The following KAZN variants were observed in gnomAD, a reference collection of about 807,000 sequenced individuals.
KAZN encodes the protein kazrin, periplakin interacting protein.
In KAZN, 40 loss-of-function variants were observed where a neutral mutation model predicts 87.4. The ratio of observed to expected loss-of-function variants is 0.46; its 90% confidence interval spans 0.36 to 0.60. The LOEUF (loss-of-function observed/expected upper bound fraction) is 0.60, where lower values mean the gene tolerates loss of function less well. Among genes scored for constraint, KAZN ranks in the 20% least tolerant of loss-of-function variants. KAZN has a pLI of 0.00. For missense variants in KAZN, 898 were observed against 1,073.9 expected, an observed-to-expected ratio of 0.84 and a Z score of 2.29; for synonymous variants, 466 against 458.3, an observed-to-expected ratio of 1.02 and a Z score of -0.22.
intron 1 of KAZN, among the ~76,000 whole-genome samples, chr1:14,877,485 C>T (rs1652897829): frequency 6.6e-6 from 1 of 152,148 alleles, no homozygotes; most frequent in Non-Finnish European, 1.5e-5. Flanking sequence ...CTCTGCCCAA[C>T]CCAACCCAGG....
intron 2 of KAZN, among the ~76,000 whole-genome samples, chr1:15,011,893 G>A (rs779267775): frequency 4.6e-5 from 7 of 152,052 alleles, no homozygotes; most frequent in Non-Finnish European, 8.8e-5. Flanking sequence ...TGGTGGACGC[G>A]GCCAGTCCAG....
At chr1:15,084,982 A>G (rs1429054782) in intron 8 of KAZN, among the ~76,000 whole-genome samples, 1 of 152,254 alleles carries the variant, frequency 6.6e-6, no homozygotes, top group Admixed American at 6.5e-5. Context: ...ATGAGCAAAC[A>G]ACAGGAAACT....
intron 1 of KAZN, among the ~76,000 whole-genome samples, chr1:14,106,567 C>A (rs1170140179): frequency 6.6e-6 from 1 of 152,176 alleles, no homozygotes; most frequent in South Asian, 2.1e-4. Flanking sequence ...GCCTCTTCCT[C>A]TTCTGCCTCC....
intron 13 of KAZN, among the ~76,000 whole-genome samples, chr1:15,111,478 A>G (rs1342956216): frequency 6.6e-6 from 1 of 152,098 alleles, no homozygotes; most frequent in Non-Finnish European, 1.5e-5. Context: ...GGGTTTTGCC[A>G]TGTTGGTCAG....
chr1:15,020,567 G>A (rs945482314), intron 2 of KAZN, among the ~76,000 whole-genome samples: 9 of 152,040 alleles, frequency 5.9e-5, no homozygotes, highest in Non-Finnish European at 8.8e-5. Flanking sequence ...CGCGACACTC[G>A]GTCCGTGTGG....
chr1:14,644,646 C>T (rs2148682353), intron 1 of KAZN, among the ~76,000 whole-genome samples: 1 of 152,158 alleles, frequency 6.6e-6, no homozygotes, highest in East Asian at 1.9e-4. Context: ...CAAGTGTGAG[C>T]CACCGTGCCG....
rs1010961737 is a variant in KAZN, at chr1:14,773,966, G to A, written c.226+174743G>A. Among the ~76,000 whole-genome samples the A allele has an allele frequency of 6.6e-6, 1 of 152,236 alleles. No individual in the cohort carries two copies. The highest frequency in any genetic ancestry group is 2.4e-5 in the African/African-American group (1 of 41,462). On this transcript the variant is annotated intron_variant, in intron 1 of 14. Transcript: ENST00000376030. This position sits in a 1 kb window ranked among gnomAD's most constrained non-coding sequence, Gnocchi z 5.9. ...TCACCGCCAAAGCCCTCCAGCCCAT[G>A]GCTGCTGCCAACCAAGGCGCCCTTG...
At chr1:13,893,352 C>T (rs917651327) in exon 1 of KAZN, 1 of 239,040 alleles carries the variant, frequency 4.2e-6, no homozygotes, top group Non-Finnish European at 8.0e-6. Flanking sequence ...TCCAGCCACC[C>T]TTCCGGGTCA....
At chr1:14,479,220 G>A (rs1208275546) in intron 2 of KAZN, among the ~76,000 whole-genome samples, 1 of 152,232 alleles carries the variant, frequency 6.6e-6, no homozygotes, top group East Asian at 1.9e-4. Flanking sequence ...ACACAGTCCA[G>A]AGGTGAGTCT....
At chr1:14,863,507 G>T (rs1651105992) in intron 1 of KAZN, among the ~76,000 whole-genome samples, 1 of 152,190 alleles carries the variant, frequency 6.6e-6, no homozygotes, top group Non-Finnish European at 1.5e-5. Flanking sequence ...ACTCAGTCAG[G>T]ATGCAAAGCT....
At chr1:14,252,594 A>G (rs560348925) in intron 2 of KAZN, among the ~76,000 whole-genome samples, 1 of 152,262 alleles carries the variant, frequency 6.6e-6, no homozygotes, top group East Asian at 1.9e-4. Context: ...GGGGCTGCCT[A>G]CTGGGGTTGC....
At chr1:14,669,747 TAAGA>T (rs1341104658) in intron 1 of KAZN, among the ~76,000 whole-genome samples, 2 of 152,138 alleles carry the variant, frequency 1.3e-5, no homozygotes, top group Non-Finnish European at 2.9e-5. Flanking sequence ...AGCCTGTCTC[TAAGA>T]AACAAACAAA....
At chr1:14,352,991 C>T (rs1658674493) in intron 2 of KAZN, among the ~76,000 whole-genome samples, 1 of 152,030 alleles carries the variant, frequency 6.6e-6, no homozygotes, top group African/African-American at 2.4e-5. Flanking sequence ...TTTTTTAAAT[C>T]CACATAACTA....
chr1:13,970,143 G>A (rs1221442033), intron 1 of KAZN, among the ~76,000 whole-genome samples: 1 of 152,176 alleles, frequency 6.6e-6, no homozygotes, highest in Non-Finnish European at 1.5e-5. Context: ...GAGGCTGAAA[G>A]GTCAAATAAG....
At chr1:14,102,219 C>T (rs554284277) in intron 1 of KAZN, among the ~76,000 whole-genome samples, 3 of 152,054 alleles carry the variant, frequency 2.0e-5, no homozygotes, top group South Asian at 4.2e-4. Context: ...CATGGGTTTA[C>T]GTGCCCACAG....
At chr1:14,044,373 T>C (rs1257733247) in intron 1 of KAZN, among the ~76,000 whole-genome samples, 1 of 121,158 alleles carries the variant, frequency 8.3e-6, no homozygotes, top group African/African-American at 3.1e-5. Context: ...ACACAGGGTA[T>C]GGAAACTCAC....
At chr1:14,728,995 T>C (rs1643552038) in intron 1 of KAZN, among the ~76,000 whole-genome samples, 1 of 152,150 alleles carries the variant, frequency 6.6e-6, no homozygotes, top group South Asian at 2.1e-4. Flanking sequence ...TAGGTGACGA[T>C]TGGGAAGCTG....
chr1:14,290,159 G>A (rs1043947847), intron 2 of KAZN, among the ~76,000 whole-genome samples: 17 of 152,066 alleles, frequency 1.1e-4, no homozygotes, highest in Non-Finnish European at 1.9e-4. Flanking sequence ...TGTGTCTTGT[G>A]GTTGCTCTTC....
intron 1 of KAZN, among the ~76,000 whole-genome samples, chr1:14,071,301 T>C (rs1410158284): frequency 6.6e-6 from 1 of 152,124 alleles, no homozygotes; most frequent in African/African-American, 2.4e-5. Context: ...GACCCCCTGA[T>C]GTCTTTGCTT....
Sources: allele counts gnomAD v4.1 joint callset (sites outside exome capture counted in the v4.1 genomes callset), GRCh38; gene constraint gnomAD v4.1.1; non-coding constraint Gnocchi (gnomAD v3.1); transcripts MANE v1.5; gene names NCBI Gene and HGNC (gene_info 2026-07-23, HGNC 2026-07-21).